CLDN10: variants seen among roughly 807,000 people sequenced by gnomAD.
CLDN10 encodes claudin 10, also known as claudin-10.
Under a neutral mutation model 22.9 loss-of-function variants are expected in CLDN10, and 15 were observed. The ratio of observed to expected loss-of-function variants is 0.65; its 90% confidence interval spans 0.44 to 1.01. CLDN10 has a LOEUF of 1.01. Ranked by LOEUF, CLDN10 falls within the 50% of genes least tolerant of loss-of-function variation. CLDN10 has a pLI of 0.00. For synonymous variants in CLDN10, 114 were observed against 111.4 expected, an observed-to-expected ratio of 1.02 and a Z score of -0.15; for missense variants, 247 against 287.8, an observed-to-expected ratio of 0.86 and a Z score of 1.03.
rs778343896 is a variant in CLDN10, at chr13:95,577,937, C to T, written c.610C>T (p.Arg204Trp). ...YNGATSVMSS[R>W]TKYHGGEDFK... ...CGGGGCCACATCTGTCATGTCTTCT[C>T]GGACAAAGTATCATGGTGGAGAAGA... The change falls in exon 5 of 5, where the codon CGG (arginine) becomes TGG (tryptophan). Residue 204 changes from arginine (R) to tryptophan (W), a missense_variant. Coordinates refer to ENST00000299339, the MANE Select transcript of CLDN10 (RefSeq NM_006984.5). 7.6e-5 allele frequency: 123 copies of T among 1,613,522 alleles called. No homozygotes were observed. Among genetic ancestry groups the T allele is most frequent in the Middle Eastern group, 3.3e-4 (2 of 6,082 alleles).
At position 95,578,027 on chromosome 13, in the gene CLDN10, G is replaced by C. The variant is rs1218782776; in HGVS notation, c.*13G>C. 1 of 1,473,744 alleles carries C rather than the reference G, an allele frequency of 6.8e-7. No homozygotes were observed. Among genetic ancestry groups the C allele is most frequent in the Non-Finnish European group, 9.5e-7 (1 of 1,056,300 alleles). The allele number at this position is 1,473,744 out of a possible 1,614,324, so 91.3% of individuals were successfully genotyped here. Reference sequence around the variant, plus strand: ...TGCTTATGTCTAAAAGAGCTCGCTGGCAAGCTGCCTCTTGAGTTTGTTATA... The same window carrying C: ...TGCTTATGTCTAAAAGAGCTCGCTGCCAAGCTGCCTCTTGAGTTTGTTATA... On this transcript the variant is annotated 3_prime_UTR_variant, in exon 5 of 5. Coordinates refer to ENST00000299339, the MANE Select transcript of CLDN10 (RefSeq NM_006984.5).
chr13:95,455,769 T>A (rs1488124503), intron 1 of CLDN10, among the ~76,000 whole-genome samples: 1 of 152,172 alleles, frequency 6.6e-6, no homozygotes, highest in Non-Finnish European at 1.5e-5. Flanking sequence ...TGACCTGAAT[T>A]GAAAAGAGAA....
intron 1 of CLDN10, among the ~76,000 whole-genome samples, chr13:95,519,798 G>T (rs1352717816): frequency 1.3e-5 from 2 of 152,170 alleles, no homozygotes; most frequent in Non-Finnish European, 1.5e-5. Context: ...TAAATAATGT[G>T]CTCTAACATA....
chr13:95,445,232 A>G (rs2042361762), intron 1 of CLDN10, among the ~76,000 whole-genome samples: 1 of 152,254 alleles, frequency 6.6e-6, no homozygotes, highest in African/African-American at 2.4e-5. Context: ...CAGGAACAGG[A>G]AGCACATAAT....
rs544255104 is a variant in CLDN10, at chr13:95,455,432, T to C, written c.214+21385T>C. On this transcript the variant is annotated intron_variant, in intron 1 of 4. Coordinates refer to the CLDN10 transcript ENST00000376873. ...GATTGAATTAAAACACCAATATAAATTGGACTTAAACTGTCTAATGGCAAA... is the reference window on the plus strand; with the variant it reads ...GATTGAATTAAAACACCAATATAAACTGGACTTAAACTGTCTAATGGCAAA... Among the ~76,000 whole-genome samples, 8 of 152,310 alleles carry C rather than the reference T, an allele frequency of 5.3e-5. No individual in the cohort carries two copies. In the East Asian group the frequency reaches 1.4e-3, roughly 26 times the overall value.
At chr13:95,537,572 G>A (rs1050699508) in intron 1 of CLDN10, among the ~76,000 whole-genome samples, 1 of 152,060 alleles carries the variant, frequency 6.6e-6, no homozygotes, top group Non-Finnish European at 1.5e-5. Flanking sequence ...TTTTTCAATG[G>A]TAGTAATATA....
At chr13:95,542,301 C>A (rs1011379327) in intron 1 of CLDN10, among the ~76,000 whole-genome samples, 7 of 152,160 alleles carry the variant, frequency 4.6e-5, no homozygotes, top group Non-Finnish European at 8.8e-5. Flanking sequence ...CAGATCCAAA[C>A]CTTATCAGCA....
At position 95,502,623 on chromosome 13, in the gene CLDN10, G is replaced by A. The variant is rs1022736221; in HGVS notation, c.215-57509G>A. Among the ~76,000 whole-genome samples the A allele has an allele frequency of 8.5e-5, 13 of 152,214 alleles. No homozygotes were observed. In the East Asian group the frequency reaches 1.4e-3, roughly 16 times the overall value. On this transcript the variant is annotated intron_variant, in intron 1 of 4. Transcript: ENST00000376873. ...TAACCTCCACCTCCCAGGTTCATGCGATTCTCCTGCCTTAGCCTCCCGACT... is the reference window on the plus strand; with the variant it reads ...TAACCTCCACCTCCCAGGTTCATGCAATTCTCCTGCCTTAGCCTCCCGACT...
intron 1 of CLDN10, among the ~76,000 whole-genome samples, chr13:95,530,716 CAT>C (rs1414295685): frequency 2.6e-5 from 4 of 152,008 alleles, no homozygotes; most frequent in African/African-American, 4.8e-5. Flanking sequence ...TTGTTTTATC[CAT>C]ATGTTTTCCT....
intron 1 of CLDN10, among the ~76,000 whole-genome samples, chr13:95,539,639 AGATGGCTTTATTTCTTATT>A (rs1375774329): frequency 6.6e-6 from 1 of 152,256 alleles, no homozygotes; most frequent in African/African-American, 2.4e-5. Context: ...GTTAATTACA[AGATGGCTTTATTTCTTATT>A]GAAACTGTAT....
intron 1 of CLDN10, among the ~76,000 whole-genome samples, chr13:95,487,020 C>T (rs7994340): frequency 0.033 from 5,050 of 152,322 alleles, 120 homozygotes; most frequent in Middle Eastern, 0.071. Context: ...GTGTTTCGCA[C>T]GGATTTGAAC....
chr13:95,503,997 C>G (rs1332576950), intron 1 of CLDN10, among the ~76,000 whole-genome samples: 1 of 152,062 alleles, frequency 6.6e-6, no homozygotes, highest in Non-Finnish European at 1.5e-5. Flanking sequence ...TGTATTTTAT[C>G]AGAATTTTAA....
chr13:95,494,839 C>T (rs111343823), intron 1 of CLDN10, among the ~76,000 whole-genome samples: 27 of 152,176 alleles, frequency 1.8e-4, no homozygotes, highest in African/African-American at 5.5e-4. Flanking sequence ...GAAACCTCAT[C>T]GTAAGATCAC....
chr13:95,532,792 CAAA>C (rs57500288), intron 1 of CLDN10, among the ~76,000 whole-genome samples: 15 of 62,020 alleles, frequency 2.4e-4, no homozygotes, highest in African/African-American at 5.3e-4. Flanking sequence ...CTCAATTCAG[CAAA>C]AAAAAAAAAA....
At chr13:95,441,033 A>G (rs931033260) in intron 1 of CLDN10, among the ~76,000 whole-genome samples, 1 of 151,990 alleles carries the variant, frequency 6.6e-6, no homozygotes, top group East Asian at 1.9e-4. Flanking sequence ...ACCTTATCTC[A>G]TTTATCCTGG....
intron 1 of CLDN10, among the ~76,000 whole-genome samples, chr13:95,471,383 A>AC (rs2042629917): frequency 7.4e-6 from 1 of 134,732 alleles, no homozygotes; most frequent in Non-Finnish European, 1.6e-5. Flanking sequence ...TATATATATA[A>AC]CATACACACA....
intron 1 of CLDN10, among the ~76,000 whole-genome samples, chr13:95,480,117 G>A (rs570760487): frequency 1.1e-4 from 17 of 152,174 alleles, no homozygotes; most frequent in East Asian, 1.9e-4. Context: ...AAACTTGTGC[G>A]GGGGAGCTCC....
At chr13:95,500,586 G>C (rs552652069) in intron 1 of CLDN10, among the ~76,000 whole-genome samples, 119 of 152,246 alleles carry the variant, frequency 7.8e-4, no homozygotes, top group African/African-American at 2.7e-3. Flanking sequence ...GGAAGGTAAG[G>C]GAGGAGGTCT....
intron 1 of CLDN10, among the ~76,000 whole-genome samples, chr13:95,447,270 T>A (rs1334482674): frequency 6.6e-6 from 1 of 152,184 alleles, no homozygotes; most frequent in African/African-American, 2.4e-5. Flanking sequence ...ATGAGGGGAT[T>A]TTAGCCTGCT....
Sources: allele counts gnomAD v4.1 joint callset (sites outside exome capture counted in the v4.1 genomes callset), GRCh38; gene constraint gnomAD v4.1.1; transcripts MANE v1.5; gene names NCBI Gene and HGNC (gene_info 2026-07-23, HGNC 2026-07-21).